The following MAP3K7CL variants were observed in gnomAD, a reference collection of about 807,000 sequenced individuals.
MAP3K7CL encodes the protein MAP3K7 C-terminal-like protein.
In MAP3K7CL, 16 loss-of-function variants were observed where a neutral mutation model predicts 18.6. The observed-to-expected ratio is 0.86, with a 90% CI of 0.58 to 1.31. MAP3K7CL has a LOEUF of 1.31. Ranked by LOEUF, MAP3K7CL falls within the 50% of genes most tolerant of loss-of-function variation. MAP3K7CL has a pLI of 0.00. For synonymous variants in MAP3K7CL, 65 were observed against 66.8 expected (o/e 0.97, Z 0.13); for missense variants, 163 against 174.4 (o/e 0.93, Z 0.37).
chr21:29,148,816 C>T (rs2087203211), intron 2 of MAP3K7CL, among the ~76,000 whole-genome samples: 1 of 152,198 alleles, frequency 6.6e-6, no homozygotes, highest in African/African-American at 2.4e-5. Flanking sequence ...ACATGTTCTC[C>T]TGTCCCATTA....
At chr21:29,165,886 G>T (rs1338370581) in intron 4 of MAP3K7CL, among the ~76,000 whole-genome samples, 1 of 152,188 alleles carries the variant, frequency 6.6e-6, no homozygotes, top group Non-Finnish European at 1.5e-5. Context: ...TAATTGACAT[G>T]TAGTAATTGT....
intron 1 of MAP3K7CL, among the ~76,000 whole-genome samples, chr21:29,089,812 G>A (rs891628845): frequency 1.3e-5 from 2 of 150,828 alleles, no homozygotes; most frequent in Non-Finnish European, 3.0e-5. Context: ...AAGGAAGGAA[G>A]AAAGGGAGGA....
chr21:29,083,001 T>G (rs1050251925), upstream of MAP3K7CL, among the ~76,000 whole-genome samples: 6 of 152,184 alleles, frequency 3.9e-5, no homozygotes, highest in African/African-American at 1.4e-4. Flanking sequence ...AAACTCTAGC[T>G]AAACATTAGT....
chr21:29,090,001 A>T (rs2085995056), intron 1 of MAP3K7CL, among the ~76,000 whole-genome samples: 2 of 152,178 alleles, frequency 1.3e-5, no homozygotes, highest in Admixed American at 6.5e-5. Context: ...ATATAACCTA[A>T]TAATTTTGAT....
intron 4 of MAP3K7CL, among the ~76,000 whole-genome samples, chr21:29,093,381 T>C (rs1601136049): frequency 6.6e-6 from 1 of 152,206 alleles, no homozygotes; most frequent in East Asian, 1.9e-4. Flanking sequence ...CCAAGAGCAA[T>C]AATATTGTTA....
chr21:29,109,798 G>A (rs2086388093), intron 4 of MAP3K7CL: 3 of 985,190 alleles, frequency 3.0e-6, no homozygotes, highest in Middle Eastern at 5.2e-4. Flanking sequence ...TATATCTTAC[G>A]TTCTGCTGCT....
intron 4 of MAP3K7CL, among the ~76,000 whole-genome samples, 198 bp from the exon 5 acceptor site, chr21:29,174,514 T>C (rs986901193): frequency 6.6e-6 from 1 of 152,180 alleles, no homozygotes; most frequent in Non-Finnish European, 1.5e-5. Context: ...TTTGGAAGTG[T>C]CTAGTCGAGG....
chr21:29,157,411 C>G (rs1351072533), intron 3 of MAP3K7CL, among the ~76,000 whole-genome samples: 1 of 152,100 alleles, frequency 6.6e-6, no homozygotes, highest in Non-Finnish European at 1.5e-5. Flanking sequence ...AAACTTGGAA[C>G]ATTTGAAGTG....
chr21:29,147,633 C>T (rs1424102401), intron 2 of MAP3K7CL, among the ~76,000 whole-genome samples: 1 of 149,560 alleles, frequency 6.7e-6, no homozygotes, highest in Non-Finnish European at 1.5e-5. Context: ...CTGTACTATA[C>T]CTGTACTGTA....
intron 3 of MAP3K7CL, among the ~76,000 whole-genome samples, chr21:29,158,986 T>G (rs1181151134): frequency 6.8e-6 from 1 of 146,422 alleles, no homozygotes; most frequent in East Asian, 2.0e-4. Flanking sequence ...AGTGGCATGA[T>G]CTCGGCTCAC....
intron 4 of MAP3K7CL, among the ~76,000 whole-genome samples, chr21:29,172,713 AT>A (rs1419626301): frequency 1.3e-5 from 2 of 151,866 alleles, no homozygotes; most frequent in Non-Finnish European, 2.9e-5. Context: ...TTTGTGTTCA[AT>A]TTTTTTTAAC....
chr21:29,151,765 G>A (rs543236909), intron 3 of MAP3K7CL, among the ~76,000 whole-genome samples: 24 of 152,224 alleles, frequency 1.6e-4, no homozygotes, highest in African/African-American at 3.4e-4. Context: ...TCTCTGGCTC[G>A]TGGATCATTC....
chr21:29,167,687 G>T (rs1252648223), intron 4 of MAP3K7CL, among the ~76,000 whole-genome samples: 2 of 142,400 alleles, frequency 1.4e-5, no homozygotes, highest in African/African-American at 5.3e-5. Flanking sequence ...AACCAGAGAA[G>T]GACCAATTTT....
intron 4 of MAP3K7CL, among the ~76,000 whole-genome samples, chr21:29,113,854 A>G (rs975062682): frequency 1.3e-5 from 2 of 151,946 alleles, no homozygotes; most frequent in African/African-American, 4.8e-5. Flanking sequence ...TTAAGCATCA[A>G]TTGCTGGCCT....
At position 29,170,902 on chromosome 21, in the gene MAP3K7CL, GT is replaced by G. The variant is rs35573980; in HGVS notation, c.249-3809del. On this transcript the variant is annotated intron_variant, in intron 4 of 4. Coordinates refer to ENST00000399928, the MANE Select transcript of MAP3K7CL (RefSeq NM_001286620.2). ...GATCTGCCCGCCTCGGCCTCTCAAAGTGCTGGAATTACAGGTGTGAGCCTCT... is the reference window on the plus strand; with the variant it reads ...GATCTGCCCGCCTCGGCCTCTCAAAGGCTGGAATTACAGGTGTGAGCCTCT... 9.2e-3 allele frequency among the ~76,000 whole-genome samples: 1,374 copies of G among 149,796 alleles called. 18 individuals are homozygous for G. Among genetic ancestry groups the G allele is most frequent in the East Asian group, 0.064 (330 of 5,118 alleles).
At chr21:29,169,804 C>T (rs936556120) in intron 4 of MAP3K7CL, among the ~76,000 whole-genome samples, 10 of 152,318 alleles carry the variant, frequency 6.6e-5, no homozygotes, top group African/African-American at 1.4e-4. Context: ...CTTGGACTTT[C>T]CCTTCCCCTA....
At chr21:29,145,201 T>G (rs1239155636) in intron 2 of MAP3K7CL, among the ~76,000 whole-genome samples, 1 of 135,930 alleles carries the variant, frequency 7.4e-6, no homozygotes, top group African/African-American at 2.7e-5. Flanking sequence ...TCTTGCACAA[T>G]AAATAATTGG....
chr21:29,127,574 T>G (rs1373544867), upstream of MAP3K7CL: 1 of 152,258 alleles, frequency 6.6e-6, no homozygotes, highest in Non-Finnish European at 1.5e-5. Context: ...CTGAAAACCT[T>G]GAATTTATGT....
At chr21:29,090,614 C>T (rs2086008786) in intron 1 of MAP3K7CL, among the ~76,000 whole-genome samples, 3 of 152,222 alleles carry the variant, frequency 2.0e-5, no homozygotes, top group South Asian at 2.1e-4. Context: ...CTCCTGACCT[C>T]GTGATCCGCC....
Sources: allele counts gnomAD v4.1 joint callset (sites outside exome capture counted in the v4.1 genomes callset), GRCh38; gene constraint gnomAD v4.1.1; transcripts MANE v1.5; gene names NCBI Gene and HGNC (gene_info 2026-07-23, HGNC 2026-07-21).